ICA1: variants seen among roughly 807,000 people sequenced by gnomAD.
ICA1 encodes 69 kDa islet cell autoantigen.
ICA1 carries 40 observed loss-of-function variants against 71.0 expected under a neutral mutation model. That is an observed-to-expected ratio of 0.56 (90% CI 0.44 to 0.73). The LOEUF is 0.73. Ranked by LOEUF, ICA1 falls within the 30% of genes least tolerant of loss-of-function variation. The pLI is 0.00. For missense variants in ICA1, 578 were observed against 576.5 expected (o/e 1.00, Z -0.03); for synonymous variants, 207 against 209.5 (o/e 0.99, Z 0.10).
intron 6 of ICA1, 104 bp from the exon 7 acceptor site, chr7:8,158,756 A>G: frequency 8.3e-7 from 1 of 1,204,980 alleles, no homozygotes; most frequent in East Asian, 2.4e-5. Context: ...TCACATATGA[A>G]AAGACTTTTG....
intron 6 of ICA1, among the ~76,000 whole-genome samples, chr7:8,194,620 G>A (rs886150488): frequency 5.9e-5 from 9 of 152,168 alleles, no homozygotes; most frequent in Non-Finnish European, 1.2e-4. Flanking sequence ...TACAAATTCA[G>A]GGGAATTTTC....
At chr7:8,171,110 T>G (rs190414400) in intron 6 of ICA1, among the ~76,000 whole-genome samples, 356 of 152,080 alleles carry the variant, frequency 2.3e-3, no homozygotes, top group African/African-American at 7.9e-3. Flanking sequence ...TTGCTTTTCT[T>G]ATAATATCTT....
intron 6 of ICA1, among the ~76,000 whole-genome samples, chr7:8,189,199 C>T (rs1784794245): frequency 6.6e-6 from 1 of 152,162 alleles, no homozygotes; most frequent in African/African-American, 2.4e-5. Flanking sequence ...TGACTGTATT[C>T]CCACCAAGCC....
chr7:8,113,871 C>A lies in ICA1; in HGVS notation c.*52G>T. On this transcript the variant is annotated 3_prime_UTR_variant, in exon 14 of 14. Coordinates refer to ENST00000402384, the MANE Select transcript of ICA1 (RefSeq NM_001136020.3). This position sits in a 1 kb window ranked among gnomAD's most constrained non-coding sequence, Gnocchi z 4.2. ...GATCACTTTATACTTCTGCTAGCCC[C>A]CAGGGGAGCTGCTGGGGGCGGCATG... 6.2e-7 allele frequency: 1 copy of A among 1,606,464 alleles called. No homozygotes were observed. Among genetic ancestry groups the A allele is most frequent in the Non-Finnish European group, 8.5e-7 (1 of 1,173,290 alleles).
At chr7:8,169,729 T>C (rs1265326486) in intron 6 of ICA1, among the ~76,000 whole-genome samples, 1 of 152,134 alleles carries the variant, frequency 6.6e-6, no homozygotes, top group African/African-American at 2.4e-5. Flanking sequence ...GTTCTTTATA[T>C]GTTCTAAATA....
intron 6 of ICA1, among the ~76,000 whole-genome samples, chr7:8,164,680 C>G (rs1248209607): frequency 3.3e-5 from 5 of 152,216 alleles, no homozygotes; most frequent in African/African-American, 1.2e-4. Flanking sequence ...ATCCTGCATT[C>G]AGGGAAAATT....
At chr7:8,258,512 G>A (rs970653005) in intron 1 of ICA1, among the ~76,000 whole-genome samples, 1 of 152,134 alleles carries the variant, frequency 6.6e-6, no homozygotes, top group African/African-American at 2.4e-5. Flanking sequence ...CAGACACTGG[G>A]GTGTATGCTT....
At chr7:8,163,822 G>A (rs1206274187) in intron 6 of ICA1, among the ~76,000 whole-genome samples, 3 of 152,312 alleles carry the variant, frequency 2.0e-5, no homozygotes, top group African/African-American at 7.2e-5. Context: ...GATGAGATGA[G>A]GCAGAGAGGT....
chr7:8,151,567 T>G (rs754633920), intron 8 of ICA1, among the ~76,000 whole-genome samples: 8 of 152,238 alleles, frequency 5.3e-5, no homozygotes, highest in Non-Finnish European at 4.4e-5. Flanking sequence ...ATGCTCGCCA[T>G]ATGTAATTGT....
At chr7:8,221,611 G>C (rs1797110546) in intron 4 of ICA1, among the ~76,000 whole-genome samples, 1 of 152,150 alleles carries the variant, frequency 6.6e-6, no homozygotes, top group African/African-American at 2.4e-5. Flanking sequence ...AAATTCACTT[G>C]AATACATCTG....
chr7:8,160,260 T>G (rs1186827329), intron 6 of ICA1, among the ~76,000 whole-genome samples: 2 of 152,234 alleles, frequency 1.3e-5, no homozygotes, highest in Non-Finnish European at 2.9e-5. Flanking sequence ...ACCACTAATA[T>G]GAACATATTC....
At chr7:8,193,357 C>A (rs763927107) in intron 6 of ICA1, among the ~76,000 whole-genome samples, 1 of 152,178 alleles carries the variant, frequency 6.6e-6, no homozygotes, top group Non-Finnish European at 1.5e-5. Context: ...TCTATCTCAT[C>A]CTTTTACCAC....
intron 1 of ICA1, among the ~76,000 whole-genome samples, chr7:8,248,427 A>G (rs1277412080): frequency 6.6e-6 from 1 of 152,170 alleles, no homozygotes; most frequent in Non-Finnish European, 1.5e-5. Context: ...CCCCCATAAG[A>G]AATAACGCTT....
chr7:8,221,208 C>T (rs1289011893), intron 5 of ICA1, 67 bp downstream of exon 5: 23 of 1,594,438 alleles, frequency 1.4e-5, no homozygotes, highest in South Asian at 5.5e-5. Context: ...GATTCCCTTT[C>T]GTGAGTAGGT....
intron 6 of ICA1, among the ~76,000 whole-genome samples, chr7:8,197,366 A>C (rs1788005010): frequency 6.6e-6 from 1 of 151,602 alleles, no homozygotes; most frequent in Non-Finnish European, 1.5e-5. Context: ...AAGCCTGGCC[A>C]ACATAGTGAA....
chr7:8,167,892 T>C (rs2128224259), intron 6 of ICA1, among the ~76,000 whole-genome samples: 1 of 152,264 alleles, frequency 6.6e-6, no homozygotes, highest in Admixed American at 6.5e-5. Flanking sequence ...AAAGTCTCCT[T>C]CCTTCTCTGT....
In ICA1 at chr7:8,169,435, C is replaced by T. The variant is rs993881292; in HGVS notation, c.580-10783G>A. 3.9e-5 allele frequency among the ~76,000 whole-genome samples: 6 copies of T among 152,066 alleles called. No individual in the cohort carries two copies. In the East Asian group the frequency reaches 1.2e-3, roughly 29 times the overall value. On this transcript the variant is annotated intron_variant, in intron 6 of 13. Coordinates refer to ENST00000402384, the MANE Select transcript of ICA1 (RefSeq NM_001136020.3). ...GTGTGCTTAACTTTATAAGACATTG[C>T]CAAACCATTTTCCAAAGTAACTGCA...
At position 8,114,032 on chromosome 7, in the gene ICA1, G is replaced by A; in HGVS notation, c.1343C>T (p.Ala448Val). 6.2e-7 allele frequency: 1 copy of A among 1,614,162 alleles called. No individual in the cohort carries two copies. The highest frequency in any genetic ancestry group is 8.5e-7 in the Non-Finnish European group (1 of 1,180,010). ...GAACCAGGCAGTCAGGTCTGAGGCA[G>A]CCTTAGCAGGTTCTGGGGAGAGAAG... ...LQASLQEPAK[A>V]ASDLTAWFSL... Residue 448 changes from alanine (A) to valine (V), a missense_variant, in exon 14 of 14, where the codon GCT (alanine) becomes GTT (valine). By Grantham distance (64) the Ala-to-Val change is moderately conservative. Coordinates refer to ENST00000402384, the MANE Select transcript of ICA1 (RefSeq NM_001136020.3).
intron 6 of ICA1, among the ~76,000 whole-genome samples, chr7:8,171,253 T>A (rs1808227310): frequency 6.6e-6 from 1 of 151,914 alleles, no homozygotes; most frequent in South Asian, 2.1e-4. Flanking sequence ...GCACATTTTA[T>A]GAGTGAAGCC....
Sources: gnomAD v4.1 joint callset for allele counts (sites outside exome capture counted in the v4.1 genomes callset) on GRCh38, gnomAD v4.1.1 for gene constraint, Gnocchi (gnomAD v3.1) non-coding constraint, MANE v1.5 for transcripts, NCBI Gene and HGNC (gene_info 2026-07-23, HGNC 2026-07-21) for gene names.